The following CCDC30 variants were observed in gnomAD, a reference collection of about 807,000 sequenced individuals.
CCDC30 encodes coiled-coil domain-containing protein 30.
A neutral mutation model predicts 100.2 loss-of-function variants in CCDC30; 70 were observed. The observed-to-expected ratio is 0.70, with a 90% CI of 0.58 to 0.85. The LOEUF (loss-of-function observed/expected upper bound fraction) is 0.85. Ranked by LOEUF, CCDC30 falls within the 40% of genes least tolerant of loss-of-function variation. The pLI is 0.00. For synonymous variants in CCDC30, 233 were observed against 269.5 expected (o/e 0.86, Z 1.33); for missense variants, 652 against 771.2 (o/e 0.85, Z 1.83).
At chr1:42,546,418 A>ATG (rs1557843131) in intron 6 of CCDC30, among the ~76,000 whole-genome samples, 2,548 of 7,632 alleles carry the variant, frequency 0.33, 220 homozygotes, top group East Asian at 0.42. Flanking sequence ...ATATATATAT[A>ATG]TATATATATA....
At chr1:42,581,311 A>C (rs751669999) in intron 8 of CCDC30, 49 bp from the exon 13 acceptor site, 1 of 1,462,644 alleles carries the variant, frequency 6.8e-7, no homozygotes, top group African/African-American at 1.4e-5. Flanking sequence ...ATTTGAAAAA[A>C]GGTCACACTC....
At chr1:42,584,578 G>A (rs4457619) in intron 9 of CCDC30, among the ~76,000 whole-genome samples, 91,335 of 151,912 alleles carry the variant, frequency 0.6, 27,939 homozygotes, top group East Asian at 0.81. Flanking sequence ...GGGCAACAGG[G>A]CAGGCTAAAC....
In CCDC30 at chr1:42,615,415, A is replaced by G. The variant is rs12065797; in HGVS notation, c.1277+4325A>G. On this transcript the variant is annotated intron_variant, in intron 11 of 16. Coordinates refer to ENST00000668663, the Ensembl canonical transcript of CCDC30. Reference sequence around the variant, plus strand: ...CAGGCTCAAGCAATTCTCCTGCCTCAGCCTCCCGAGTAGCTGGGATTACAG... The same window carrying G: ...CAGGCTCAAGCAATTCTCCTGCCTCGGCCTCCCGAGTAGCTGGGATTACAG... 7.7e-3 allele frequency among the ~76,000 whole-genome samples: 1,174 copies of G among 152,218 alleles called. 14 individuals are homozygous for G. The highest frequency in any genetic ancestry group is 0.026 in the African/African-American group (1,099 of 41,512).
chr1:42,611,747 A>G (rs1455445190), intron 11 of CCDC30, among the ~76,000 whole-genome samples: 5 of 152,090 alleles, frequency 3.3e-5, no homozygotes, highest in Non-Finnish European at 7.4e-5. Flanking sequence ...CACGATCACA[A>G]CTCACTGCAG....
chr1:42,479,538 C>A (rs1643924179), intron 1 of CCDC30, among the ~76,000 whole-genome samples: 1 of 143,282 alleles, frequency 7.0e-6, no homozygotes, highest in Admixed American at 7.1e-5. Flanking sequence ...ACAAATGATG[C>A]TGGAACAATT....
At chr1:42,498,573 T>A (rs1384644371) in intron 5 of CCDC30, among the ~76,000 whole-genome samples, 1 of 152,220 alleles carries the variant, frequency 6.6e-6, no homozygotes, top group Non-Finnish European at 1.5e-5. Context: ...TACATTTATA[T>A]ATTTAATACA....
chr1:42,456,786 T>C, the CCDC30 span: 5 of 1,613,080 alleles, frequency 3.1e-6, no homozygotes, highest in Non-Finnish European at 4.2e-6. Context: ...GAGGCCTTCC[T>C]AGCCGCCGGC....
chr1:42,542,539 C>CTTTTTTTTTTTTTT (rs58751072), intron 6 of CCDC30, among the ~76,000 whole-genome samples: 4 of 75,562 alleles, frequency 5.3e-5, no homozygotes, highest in Non-Finnish European at 1.0e-4. Context: ...TTAAATTTTT[C>CTTTTTTTTTTTTTT]TTTTTTTTTT....
At chr1:42,456,453 G>A in the CCDC30 span, 1 of 1,136,304 alleles carries the variant, frequency 8.8e-7, no homozygotes, top group Non-Finnish European at 1.2e-6. Flanking sequence ...AGTGTCAAAA[G>A]AAGGGTAGTG....
intron 5 of CCDC30, 53 bp downstream of exon 5, chr1:42,497,266 C>A: frequency 9.6e-7 from 1 of 1,047,050 alleles, no homozygotes; most frequent in South Asian, 4.9e-5. Context: ...CCATAACAAT[C>A]AACAGCATAA....
chr1:42,477,561 A>G (rs977463573), intron 1 of CCDC30, among the ~76,000 whole-genome samples: 3 of 152,174 alleles, frequency 2.0e-5, no homozygotes, highest in Admixed American at 2.0e-4. Context: ...TAGGAGAATG[A>G]TGTCATTATA....
At chr1:42,606,316 T>C (rs1646500390) in intron 10 of CCDC30, among the ~76,000 whole-genome samples, 1 of 152,206 alleles carries the variant, frequency 6.6e-6, no homozygotes, top group Non-Finnish European at 1.5e-5. Flanking sequence ...TCTCACTCTG[T>C]TGCCGAGCTG....
intron 5 of CCDC30, 123 bp from the exon 6 acceptor site, chr1:42,498,695 C>T (rs1644264677): frequency 2.3e-6 from 1 of 426,132 alleles, no homozygotes; most frequent in East Asian, 3.6e-5. Flanking sequence ...TTCTGTATAC[C>T]TATGTGTTGA....
intron 8 of CCDC30, among the ~76,000 whole-genome samples, chr1:42,579,201 G>T (rs928047808): frequency 2.0e-5 from 3 of 151,680 alleles, no homozygotes; most frequent in African/African-American, 7.3e-5. Flanking sequence ...CATGTTGGCC[G>T]GGATGGTCTT....
At chr1:42,468,587 C>A (rs976404488) in intron 1 of CCDC30, 1 of 152,162 alleles carries the variant, frequency 6.6e-6, no homozygotes, top group African/African-American at 2.4e-5. Context: ...TAAAGGACAC[C>A]AGCAGTCTCT....
chr1:42,532,358 T>C (rs1644818933), intron 6 of CCDC30, among the ~76,000 whole-genome samples: 2 of 152,158 alleles, frequency 1.3e-5, no homozygotes, highest in African/African-American at 4.8e-5. Context: ...ATTTAGGAAA[T>C]CATTCCCTTA....
chr1:42,587,696 G>T (rs2762694), intron 9 of CCDC30, among the ~76,000 whole-genome samples: 149,169 of 152,292 alleles, frequency 0.98, 73,124 homozygotes, highest in East Asian at 1. Flanking sequence ...CTTAATTGTC[G>T]AATGTCAGGA....
intron 13 of CCDC30, among the ~76,000 whole-genome samples, chr1:42,644,446 C>T (rs944778556): frequency 3.3e-5 from 5 of 152,288 alleles, no homozygotes; most frequent in Admixed American, 3.3e-4. Flanking sequence ...TGTTAATCTC[C>T]TTTGGCAACA....
At chr1:42,510,194 C>A (rs995049883) in intron 6 of CCDC30, 1 of 800,362 alleles carries the variant, frequency 1.2e-6, no homozygotes, top group Non-Finnish European at 1.5e-6. Context: ...TGATGATTCC[C>A]CTGTTTCTTT....
Sources: allele counts gnomAD v4.1 joint callset (sites outside exome capture counted in the v4.1 genomes callset), GRCh38; gene constraint gnomAD v4.1.1; transcripts MANE v1.5; gene names NCBI Gene and HGNC (gene_info 2026-07-23, HGNC 2026-07-21).